Variants in TELO2 observed in about 807,000 individuals in gnomAD.
TELO2 encodes telomere maintenance 2.
Under a neutral mutation model 91.0 loss-of-function variants are expected in TELO2, and 71 were observed. That is an observed-to-expected ratio of 0.78 (90% CI 0.64 to 0.95). The LOEUF is 0.95. Ranked by LOEUF, TELO2 falls within the 40% of genes least tolerant of loss-of-function variation. The pLI, the probability that TELO2 is intolerant of heterozygous loss-of-function variation, is 0.00. For missense variants in TELO2, 1,183 were observed against 1,141.3 expected, an observed-to-expected ratio of 1.04 and a Z score of -0.53; for synonymous variants, 584 against 518.9, an observed-to-expected ratio of 1.13 and a Z score of -1.71.
chr16:1,502,243 C>G, intron 12 of TELO2, 70 bp from the exon 13 acceptor site: 1 of 1,566,880 alleles, frequency 6.4e-7, no homozygotes, highest in Non-Finnish European at 8.7e-7. Flanking sequence ...GGGTGCCGCC[C>G]GTGCTGCTGG....
rs1015096848 is a variant in TELO2, at chr16:1,494,551, C to A, written c.270C>A (p.Phe90Leu). The A allele has an allele frequency of 5.0e-6, 8 of 1,613,438 alleles. No individual in the cohort carries two copies. The African/African-American group carries it at 1.1e-4, about 22-fold the overall frequency. The change falls in exon 2 of 21, where the codon TTC becomes TTA. Residue 90 changes from phenylalanine to leucine, a missense_variant. Coordinates refer to ENST00000262319, the MANE Select transcript of TELO2 (RefSeq NM_016111.4). This position sits in a 1 kb window ranked among gnomAD's most constrained non-coding sequence, Gnocchi z 5.6. ...GCCTGGAGGAGCTGTGGGCCAGCTTCTTCCTGGAGGGCCCGGCGGACCAAG... is the reference window on the plus strand; with the variant it reads ...GCCTGGAGGAGCTGTGGGCCAGCTTATTCCTGGAGGGCCCGGCGGACCAAG... The part of the protein sequence containing the change: ...HGRLEELWAS[F>L]FLEGPADQAF...
At chr16:1,496,950 CTG>C in intron 3 of TELO2, 84 bp from the exon 4 acceptor site, 1 of 1,392,468 alleles carries the variant, frequency 7.2e-7, no homozygotes, top group Non-Finnish European at 1.0e-6. Context: ...TGGAGTCCGC[CTG>C]ACCGAGAGCA....
rs992412736 is a variant in TELO2 at position 1,493,611 on chromosome 16, G to T, written c.-37+6G>T. ...CACCCGGGAGCCGGGTCCAGGTCGG[G>T]TTGGGGGTCGGGGATCGGGGATCGG... On this transcript the variant is annotated splice_donor_region_variant and intron_variant, in intron 1 of 20. Transcript: ENST00000262319. This position sits in a 1 kb window ranked among gnomAD's most constrained non-coding sequence, Gnocchi z 4.3. 5 of 152,376 alleles carry T rather than the reference G, an allele frequency of 3.3e-5. No homozygotes were observed. The highest frequency in any genetic ancestry group is 1.2e-4 in the African/African-American group (5 of 41,454). The allele number at this position is 152,376 out of a possible 1,614,324, so 9.4% of individuals were successfully genotyped here.
In TELO2 at chr16:1,500,697, C is replaced by T; in HGVS notation, c.1279C>T (p.Gln427Ter). ...CCCCGAGGGGCCTCCCCTGAAATTC[C>T]AGGTGAGCGGGCCGTCCCCTCCGCG... ...IHPEGPPLKF[Q>*]YEEDELSLEL... The change falls in exon 9 of 21, where the codon CAG becomes TAG. Residue 427 changes from glutamine (Q) to a stop codon, truncating the protein, a stop_gained and splice_region_variant. Coordinates refer to ENST00000262319, the MANE Select transcript of TELO2 (RefSeq NM_016111.4). LOFTEE classifies it high-confidence loss of function. The T allele has an allele frequency of 6.2e-7, 1 of 1,612,324 alleles. No individual in the cohort carries two copies. The highest frequency in any genetic ancestry group is 8.5e-7 in the Non-Finnish European group (1 of 1,179,806).
chr16:1,495,670 T>C (rs770239832), intron 3 of TELO2, 47 bp downstream of exon 3: 2 of 1,536,298 alleles, frequency 1.3e-6, no homozygotes. Context: ...TCTTCTTGGG[T>C]CCTCGTCCCC....
intron 19 of TELO2, 21 bp from the exon 20 acceptor site, chr16:1,507,579 GC>G: frequency 6.4e-7 from 1 of 1,565,322 alleles, no homozygotes; most frequent in Non-Finnish European, 8.6e-7. Context: ...GCCGAGCTCA[GC>G]CCCCGCCTTC....
Position 1,497,288 on chromosome 16 carries a change from G to A in TELO2, c.683-73G>A. ...ACTGGGGAGCTGTGGGACTGTCCTT[G>A]CTGGACCCACACAGCCCCAGACACC... On this transcript the variant is annotated intron_variant, in intron 4 of 20. Coordinates refer to ENST00000262319, the MANE Select transcript of TELO2 (RefSeq NM_016111.4). This position sits in a 1 kb window ranked among gnomAD's most constrained non-coding sequence, Gnocchi z 4.0. 1 of 1,497,710 alleles carries A rather than the reference G, an allele frequency of 6.7e-7. No individual in the cohort carries two copies. Among genetic ancestry groups the A allele is most frequent in the African/African-American group, 1.4e-5 (1 of 72,166 alleles). The allele number at this position is 1,497,710 out of a possible 1,614,324, so 92.8% of individuals were successfully genotyped here.
rs2039524804 is a variant in TELO2 at position 1,497,265 on chromosome 16, T to TG, written c.683-92dup. Reference sequence around the variant, plus strand: ...GGATCTGGGGCTCAGCTGTGCTTACTGGGGAGCTGTGGGACTGTCCTTGCT... The same window carrying TG: ...GGATCTGGGGCTCAGCTGTGCTTACTGGGGGAGCTGTGGGACTGTCCTTGCT... On this transcript the variant is annotated intron_variant, in intron 4 of 20. Transcript: ENST00000262319. This position sits in a 1 kb window ranked among gnomAD's most constrained non-coding sequence, Gnocchi z 4.0. 3 of 1,489,982 alleles carry TG rather than the reference T, an allele frequency of 2.0e-6. No homozygotes were observed. Among genetic ancestry groups the TG allele is most frequent in the Non-Finnish European group, 2.7e-6 (3 of 1,112,880 alleles). 92.3% of individuals were successfully genotyped at this position (1,489,982 alleles called of 1,614,324 possible). A position where few individuals can be genotyped will look rare whatever the true frequency, so the allele number is the denominator to read the frequency against.
At chr16:1,502,005 C>T (rs1450320269) in intron 11 of TELO2, 42 bp from the exon 12 acceptor site, 3 of 1,611,736 alleles carry the variant, frequency 1.9e-6, no homozygotes, top group Admixed American at 1.7e-5. Context: ...CACTTCCTGT[C>T]ACAGGCCATG....
chr16:1,495,330 ACGCCCGTAT>A lies in TELO2; in HGVS notation c.336-14_336-6del, dbSNP rs1230505227. ...ATGGGGGTTGGCGGCTCTGCCCAAC[ACGCCCGTAT>A]CTTCAGCCCCAGCTTCCGGCTGATG... On this transcript the variant is annotated splice_region_variant and splice_polypyrimidine_tract_variant and intron_variant, in intron 2 of 20. Coordinates refer to ENST00000262319, the MANE Select transcript of TELO2 (RefSeq NM_016111.4). 3.3e-6 allele frequency: 5 copies of A among 1,528,262 alleles called. No homozygotes were observed. Among genetic ancestry groups the A allele is most frequent in the Non-Finnish European group, 4.4e-6 (5 of 1,131,476 alleles). The allele number at this position is 1,528,262 out of a possible 1,614,324, so 94.7% of individuals were successfully genotyped here. A position where few individuals can be genotyped will look rare whatever the true frequency, so the allele number is the denominator to read the frequency against.
chr16:1,507,344 G>A lies in TELO2; in HGVS notation c.2265G>A (p.Val755=), dbSNP rs2141070068. 1 of 1,611,018 alleles carries A rather than the reference G, an allele frequency of 6.2e-7. No individual in the cohort carries two copies. Among genetic ancestry groups the A allele is most frequent in the Non-Finnish European group, 8.5e-7 (1 of 1,179,918 alleles). The part of the protein sequence containing the change: ...VAMGKALLEF[V]WALRFHIDAY... ...TGGGCAAGGCCCTGCTGGAATTCGT[G>A]TGGGCCCTTCGCTTCCACATCGATG... The change falls in exon 19 of 21, where the codon GTG becomes GTA. Residue 755 remains valine (V), a synonymous_variant. Coordinates refer to ENST00000262319, the MANE Select transcript of TELO2 (RefSeq NM_016111.4).
At chr16:1,508,253 C>G (rs1008205040) in intron 20 of TELO2, among the ~76,000 whole-genome samples, 1 of 152,210 alleles carries the variant, frequency 6.6e-6, no homozygotes, top group Non-Finnish European at 1.5e-5. Context: ...CCGCCTCAGC[C>G]TCCTGAGTAG....
intron 15 of TELO2, among the ~76,000 whole-genome samples, chr16:1,504,247 A>G (rs2061329153): frequency 6.6e-6 from 1 of 151,756 alleles, no homozygotes; most frequent in Non-Finnish European, 1.5e-5. Context: ...AGCCTCGCCA[A>G]CATGGTGAAA....
At chr16:1,508,063 G>C (rs746911328) in intron 20 of TELO2, among the ~76,000 whole-genome samples, 2 of 152,170 alleles carry the variant, frequency 1.3e-5, no homozygotes, top group African/African-American at 2.4e-5. Flanking sequence ...CCTAGACCCT[G>C]TTGGGGTCCC....
In TELO2 at chr16:1,507,717, G is replaced by A. The variant is rs1225810236; in HGVS notation, c.2407+1G>A. The A allele has an allele frequency of 6.2e-7, 1 of 1,600,650 alleles. No homozygotes were observed. Among genetic ancestry groups the A allele is most frequent in the Non-Finnish European group, 8.5e-7 (1 of 1,178,842 alleles). ...CTGGAAGCCCGGTCCTGGCTGGCGG[G>A]TGAGTGTCGGCCTGCGGTGTGTGTG... On this transcript the variant is annotated splice_donor_variant, in intron 20 of 20. Coordinates refer to ENST00000262319, the MANE Select transcript of TELO2 (RefSeq NM_016111.4). LOFTEE classifies it high-confidence loss of function.
At position 1,506,695 on chromosome 16, in the gene TELO2, G is replaced by T. The variant is rs1036171639; in HGVS notation, c.2127-257G>T. ...GGCTCTCGAGATGGCAGAGAAGTGTGGGGCCTGGGTTGTGCTGCAGCAGGG... is the reference window on the plus strand; with the variant it reads ...GGCTCTCGAGATGGCAGAGAAGTGTTGGGCCTGGGTTGTGCTGCAGCAGGG... On this transcript the variant is annotated intron_variant, in intron 17 of 20. Coordinates refer to ENST00000262319, the MANE Select transcript of TELO2 (RefSeq NM_016111.4). The T allele has an allele frequency of 7.2e-6, 10 of 1,381,974 alleles. No homozygotes were observed. In the Admixed American group the frequency reaches 2.2e-4, roughly 30 times the overall value. 85.6% of individuals were successfully genotyped at this position (1,381,974 alleles called of 1,614,324 possible). A position where few individuals can be genotyped will look rare whatever the true frequency, so the allele number is the denominator to read the frequency against.
rs753228721 is a variant in TELO2, at chr16:1,501,809, G to A, written c.1472+36G>A. ...TGCCACCCCAGTGGGCAGCGTGCAG[G>A]AGGCCGGGAGGCGAACCCCTCACAC... On this transcript the variant is annotated intron_variant, in intron 11 of 20. Transcript: ENST00000262319. The A allele has an allele frequency of 3.2e-6, 5 of 1,585,952 alleles. No homozygotes were observed. The South Asian group carries it at 5.6e-5, about 18-fold the overall frequency.
Position 1,502,950 on chromosome 16 carries a change from C to T in TELO2, c.1790C>T (p.Ser597Leu), listed in dbSNP as rs2141050826. 6.2e-7 allele frequency: 1 copy of T among 1,611,490 alleles called. No homozygotes were observed. The highest frequency in any genetic ancestry group is 8.5e-7 in the Non-Finnish European group (1 of 1,180,016). The change falls in exon 15 of 21, where the codon TCA becomes TTA. Residue 597 changes from serine (S) to leucine (L), a missense_variant. Ser to Leu is a moderately radical substitution (Grantham distance 145). Coordinates refer to ENST00000262319, the MANE Select transcript of TELO2 (RefSeq NM_016111.4). The part of the protein sequence containing the change: ...DPAPVADYLT[S>L]QFYALNYSLR... ...CCTCAGGTGGCCGACTATCTGACCT[C>T]ACAGTTCTATGCCCTCAACTACAGC...
chr16:1,495,257 G>C (rs1470634395), intron 2 of TELO2, 89 bp from the exon 3 acceptor site: 1 of 1,460,500 alleles, frequency 6.8e-7, no homozygotes, highest in Non-Finnish European at 9.1e-7. Context: ...GGGGCTGCCC[G>C]TGTAATCCGG....
Sources: gnomAD v4.1 joint callset for allele counts (sites outside exome capture counted in the v4.1 genomes callset) on GRCh38, gnomAD v4.1.1 for gene constraint, Gnocchi (gnomAD v3.1) non-coding constraint, MANE v1.5 for transcripts, NCBI Gene and HGNC (gene_info 2026-07-23, HGNC 2026-07-21) for gene names.